Variants in ZNF544 observed in about 807,000 individuals in gnomAD.
ZNF544 encodes the protein zinc finger protein 544, also known as zinc finger protein AF020591.
Under a neutral mutation model 13.5 loss-of-function variants are expected in ZNF544, and 10 were observed. The ratio of observed to expected loss-of-function variants is 0.74; its 90% CI spans 0.46 to 1.25. The LOEUF is 1.25. Among genes scored for constraint, ZNF544 ranks in the 50% most tolerant of loss-of-function variants. ZNF544 has a pLI of 0.00. For missense variants in ZNF544, 896 were observed against 845.6 expected (o/e 1.06, Z -0.74); for synonymous variants, 323 against 300.5 (o/e 1.07, Z -0.77).
At chr19:58,271,619 G>C (rs535154733) in intron 5 of ZNF544, among the ~76,000 whole-genome samples, 413 of 152,150 alleles carry the variant, frequency 2.7e-3, no homozygotes, top group African/African-American at 9.5e-3. Context: ...AAGTGATGTC[G>C]GGAGGCTGAG....
Position 58,244,219 on chromosome 19 carries a change from C to T in ZNF544, c.33+163C>T, listed in dbSNP as rs572902513. Among the ~76,000 whole-genome samples the T allele has an allele frequency of 3.3e-5, 5 of 152,100 alleles. No homozygotes were observed. The South Asian group carries it at 6.2e-4, about 19-fold the overall frequency. ...GCTCCCTGCAGTAAAGCGCGGCACC[C>T]GTCACCAGCATGGACGAGCCTAGAG... On this transcript the variant is annotated intron_variant, in intron 4 of 6. Coordinates refer to ENST00000687789, the MANE Select transcript of ZNF544 (RefSeq NM_014480.4).
At chr19:58,273,713 C>A (rs896244169) in intron 5 of ZNF544, among the ~76,000 whole-genome samples, 2 of 149,842 alleles carry the variant, frequency 1.3e-5, no homozygotes, top group African/African-American at 4.9e-5. Context: ...AAAGCCTATT[C>A]TGTAGACAAG....
intron 6 of ZNF544, among the ~76,000 whole-genome samples, chr19:58,254,648 G>A (rs1431369812): frequency 1.3e-5 from 2 of 152,150 alleles, no homozygotes; most frequent in African/African-American, 2.4e-5. Context: ...CTCCAGTGGC[G>A]ATGGTCTACT....
At position 58,262,247 on chromosome 19, in the gene ZNF544, G is replaced by A. The variant is rs756898784; in HGVS notation, c.1641G>A (p.Pro547=). The change falls in exon 7 of 7, where the codon CCG becomes CCA. Residue 547 remains proline, a synonymous_variant. Coordinates refer to ENST00000687789, the MANE Select transcript of ZNF544 (RefSeq NM_014480.4). ...THQRIHTGEK[P]YQCIECGKSF... ...AGCGAATTCACACTGGAGAAAAACCGTATCAGTGTATTGAATGTGGGAAAT... is the reference window on the plus strand; with the variant it reads ...AGCGAATTCACACTGGAGAAAAACCATATCAGTGTATTGAATGTGGGAAAT... The A allele has an allele frequency of 1.5e-5, 25 of 1,613,582 alleles. No homozygotes were observed. Among genetic ancestry groups the A allele is most frequent in the South Asian group, 7.7e-5 (7 of 91,078 alleles).
downstream of ZNF544, chr19:58,266,923 CCCCG>C (rs1297829924): frequency 6.6e-6 from 1 of 152,222 alleles, no homozygotes; most frequent in Non-Finnish European, 1.5e-5. Flanking sequence ...GTTAAAGCAG[CCCCG>C]CCTGTCTGTG....
At chr19:58,256,566 C>A (rs966391066) in intron 6 of ZNF544, among the ~76,000 whole-genome samples, 1 of 152,144 alleles carries the variant, frequency 6.6e-6, no homozygotes, top group Non-Finnish European at 1.5e-5. Flanking sequence ...AGAAGAGCAA[C>A]GGTACCACGT....
downstream of ZNF544, among the ~76,000 whole-genome samples, chr19:58,265,971 G>C (rs11673550): frequency 1.3e-5 from 2 of 151,490 alleles, no homozygotes; most frequent in Non-Finnish European, 2.9e-5. Context: ...TTGGAAGGCC[G>C]AGGCAGGCAG....
intron 5 of ZNF544, among the ~76,000 whole-genome samples, chr19:58,272,646 A>T (rs1217829077): frequency 1.2e-4 from 18 of 152,218 alleles, no homozygotes; most frequent in Non-Finnish European, 1.5e-5. Context: ...TATCAAGAAG[A>T]AGTTGAGGCG....
At chr19:58,252,620 T>C (rs1165966976) in intron 6 of ZNF544, among the ~76,000 whole-genome samples, 1 of 152,206 alleles carries the variant, frequency 6.6e-6, no homozygotes, top group Non-Finnish European at 1.5e-5. Context: ...TTCTTACCAA[T>C]AGCACATCTT....
chr19:58,275,917 C>T (rs577411118), intron 5 of ZNF544, among the ~76,000 whole-genome samples: 22 of 152,134 alleles, frequency 1.4e-4, no homozygotes, highest in African/African-American at 5.1e-4. Context: ...GGTGCAGTGG[C>T]GCATTCCTGT....
At chr19:58,246,013 C>T in intron 4 of ZNF544, 1 of 398,546 alleles carries the variant, frequency 2.5e-6, no homozygotes. Context: ...CTGGTAAGTC[C>T]AAGATCAATG....
intron 6 of ZNF544, chr19:58,251,534 T>C (rs1005155155): frequency 2.8e-6 from 1 of 356,998 alleles, no homozygotes; most frequent in Non-Finnish European, 5.7e-6. Flanking sequence ...ACAGGTACCT[T>C]GTCTGTTGGC....
chr19:58,238,495 A>G (rs2042896604), intron 3 of ZNF544, among the ~76,000 whole-genome samples: 2 of 152,190 alleles, frequency 1.3e-5, no homozygotes, highest in Non-Finnish European at 2.9e-5. Flanking sequence ...AGACGGGGAC[A>G]CAGGGTTTTG....
chr19:58,251,238 T>A (rs2046250699), intron 6 of ZNF544: 1 of 505,344 alleles, frequency 2.0e-6, no homozygotes, highest in Non-Finnish European at 4.0e-6. Context: ...CAGTTTAAAG[T>A]AACTAAGCAA....
chr19:58,243,687 C>T (rs557138301), intron 3 of ZNF544, among the ~76,000 whole-genome samples: 1 of 152,158 alleles, frequency 6.6e-6, no homozygotes, highest in Non-Finnish European at 1.5e-5. Flanking sequence ...CACCTGGCCT[C>T]CACCTCCCTT....
chr19:58,241,533 G>A (rs1179759442), intron 3 of ZNF544, among the ~76,000 whole-genome samples: 1 of 145,886 alleles, frequency 6.9e-6, no homozygotes, highest in East Asian at 2.0e-4. Context: ...GTCTCGCTCT[G>A]TCACCCAGGC....
intron 6 of ZNF544, chr19:58,276,455 C>G (rs2051227836): frequency 8.4e-7 from 1 of 1,193,186 alleles, no homozygotes; most frequent in South Asian, 4.3e-5. Context: ...TGTCAAAAGT[C>G]AGAATTTTAT....
At chr19:58,239,894 A>G (rs2043194985) in intron 3 of ZNF544, among the ~76,000 whole-genome samples, 1 of 135,866 alleles carries the variant, frequency 7.4e-6, no homozygotes, top group African/African-American at 2.9e-5. Flanking sequence ...GCAAGACTCC[A>G]TCTCAAAAAA....
At chr19:58,238,865 TAA>T (rs112124516) in intron 3 of ZNF544, among the ~76,000 whole-genome samples, 12 of 132,348 alleles carry the variant, frequency 9.1e-5, no homozygotes, top group Non-Finnish European at 6.6e-5. Flanking sequence ...TAAGTCACGG[TAA>T]AAAAAAAAAA....
Sources: allele counts gnomAD v4.1 joint callset (sites outside exome capture counted in the v4.1 genomes callset), GRCh38; gene constraint gnomAD v4.1.1; transcripts MANE v1.5; gene names NCBI Gene and HGNC (gene_info 2026-07-23, HGNC 2026-07-21).